Variants in KSR2 observed in about 807,000 individuals in gnomAD.
KSR2 encodes the protein kinase suppressor of ras 2.
In KSR2, 25 loss-of-function variants were observed where a neutral mutation model predicts 107.8. That is an observed-to-expected ratio of 0.23 (90% CI 0.17 to 0.32). KSR2 has a LOEUF of 0.32. Among genes scored for constraint, KSR2 ranks in the 10% least tolerant of loss-of-function variants. KSR2 has a pLI of 1.00. For missense variants in KSR2, 887 were observed against 1,268.9 expected (o/e 0.70, Z 4.57); for synonymous variants, 480 against 507.0 (o/e 0.95, Z 0.71).
rs763962133 is a variant in KSR2 at position 117,968,304 on chromosome 12, A to AG, written c.-50_-49insC. On this transcript the variant is annotated 5_prime_UTR_variant, in exon 1 of 20. Coordinates refer to ENST00000339824, the MANE Select transcript of KSR2 (RefSeq NM_173598.6). ...CCTCCTCCTCCTCCCAGAGAGAAAA[A>AG]AGAGGGGGGGGAGTAGAGGTAGTCT... 20 of 680,614 alleles carry AG rather than the reference A, an allele frequency of 2.9e-5. No individual in the cohort carries two copies. The African/African-American group carries it at 4.7e-4, about 16-fold the overall frequency. 42.2% of individuals were successfully genotyped at this position (680,614 alleles called of 1,614,324 possible).
rs765751335 is a variant in KSR2, at chr12:117,761,444, G to C, written c.553C>G (p.Pro185Ala). ...GTGCGGATCCACGGGGTGGGCTCCGGGGGGCACACGGGATTGTTCTCCTTC... is the reference window on the plus strand; with the variant it reads ...GTGCGGATCCACGGGGTGGGCTCCGCGGGGCACACGGGATTGTTCTCCTTC... ...TGKENNPVCP[P>A]EPTPWIRTHL... is the part of the protein sequence containing the mutation. Residue 185 changes from proline to alanine, a missense_variant, in exon 4 of 20, where the codon CCG (proline) becomes GCG (alanine). Pro to Ala is a conservative substitution (Grantham distance 27, BLOSUM62 -1). Around this residue, in one of 8 missense-constraint regions of KSR2, gnomAD observed 399 missense variants for 479.5 expected, o/e 0.83. Transcript: ENST00000339824. The C allele has an allele frequency of 3.7e-6, 6 of 1,612,798 alleles. No homozygotes were observed. The South Asian group carries it at 4.4e-5, about 12-fold the overall frequency.
chr12:117,697,271 G>T (rs967395204), intron 4 of KSR2, among the ~76,000 whole-genome samples: 8 of 152,214 alleles, frequency 5.3e-5, no homozygotes, highest in African/African-American at 1.9e-4. Flanking sequence ...TGTTAAAACA[G>T]TATAGGAAGG....
rs903668097 is a variant in KSR2 at position 117,897,784 on chromosome 12, A to C, written c.181-37353T>G. 2.0e-5 allele frequency among the ~76,000 whole-genome samples: 3 copies of C among 152,076 alleles called. No homozygotes were observed. Among genetic ancestry groups the C allele is most frequent in the African/African-American group, 7.2e-5 (3 of 41,414 alleles). ...GAAACCACCAAGCAGATGCCATACA[A>C]ATATAATGGGCTTAATTCCCCAAAT... On this transcript the variant is annotated intron_variant, in intron 1 of 19. Coordinates refer to ENST00000339824, the MANE Select transcript of KSR2 (RefSeq NM_173598.6). This position sits in a 1 kb window ranked among gnomAD's most constrained non-coding sequence, Gnocchi z 4.5.
At chr12:117,854,550 T>C (rs1034511842) in intron 3 of KSR2, among the ~76,000 whole-genome samples, 3 of 152,222 alleles carry the variant, frequency 2.0e-5, no homozygotes, top group African/African-American at 7.2e-5. Context: ...CAAGGGCATC[T>C]GTGAGCCTCC....
chr12:117,918,824 T>G (rs986342555), intron 1 of KSR2, among the ~76,000 whole-genome samples: 3 of 145,776 alleles, frequency 2.1e-5, no homozygotes, highest in Admixed American at 1.4e-4. Flanking sequence ...AAACTTTTTC[T>G]GCAGGCGGGG....
At chr12:117,589,206 T>C (rs935161722) in intron 5 of KSR2, among the ~76,000 whole-genome samples, 13 of 152,186 alleles carry the variant, frequency 8.5e-5, no homozygotes, top group South Asian at 2.1e-4. Flanking sequence ...AGAAATAGTT[T>C]ATTGCAGTCT....
chr12:117,745,871 C>T (rs1888388224), intron 4 of KSR2, among the ~76,000 whole-genome samples: 1 of 152,076 alleles, frequency 6.6e-6, no homozygotes, highest in African/African-American at 2.4e-5. Context: ...ATACAACTTA[C>T]AAGGGATGTG....
intron 5 of KSR2, among the ~76,000 whole-genome samples, chr12:117,633,614 G>A (rs1186211255): frequency 6.6e-6 from 1 of 152,128 alleles, no homozygotes; most frequent in African/African-American, 2.4e-5. Flanking sequence ...GCAATCCTTG[G>A]CTTGTGGCTG....
chr12:117,709,837 C>T (rs1298871565), intron 4 of KSR2, among the ~76,000 whole-genome samples: 1 of 152,214 alleles, frequency 6.6e-6, no homozygotes, highest in South Asian at 2.1e-4. Flanking sequence ...AGCACCCCCA[C>T]CCCAAGTGAC....
At chr12:117,524,706 A>G (rs1874990330) in intron 14 of KSR2, 146 bp downstream of exon 14, 4 of 1,051,056 alleles carry the variant, frequency 3.8e-6, no homozygotes, top group Admixed American at 6.2e-5. Flanking sequence ...GGAATCTTAA[A>G]TCTTAAACCA....
intron 3 of KSR2, among the ~76,000 whole-genome samples, chr12:117,767,122 G>A (rs1015856313): frequency 6.7e-6 from 1 of 149,098 alleles, no homozygotes; most frequent in Non-Finnish European, 1.5e-5. Flanking sequence ...TTTGAGAGAG[G>A]AAAAAATTAG....
intron 4 of KSR2, among the ~76,000 whole-genome samples, chr12:117,692,462 A>G (rs1885859950): frequency 2.0e-4 from 2 of 10,216 alleles, no homozygotes; most frequent in Non-Finnish European, 3.0e-4. Context: ...ATATATATAT[A>G]TATATATATA....
chr12:117,759,266 A>G (rs1888911107), intron 4 of KSR2, among the ~76,000 whole-genome samples: 1 of 152,156 alleles, frequency 6.6e-6, no homozygotes, highest in Non-Finnish European at 1.5e-5. Context: ...TGGGCCAGGT[A>G]CCTGTTTTTA....
chr12:117,932,161 C>T (rs1299605303), intron 1 of KSR2, among the ~76,000 whole-genome samples: 1 of 152,054 alleles, frequency 6.6e-6, no homozygotes, highest in Non-Finnish European at 1.5e-5. Flanking sequence ...ATGGTGGGCG[C>T]CTGTAATCTC....
intron 4 of KSR2, among the ~76,000 whole-genome samples, chr12:117,737,399 G>T (rs567920362): frequency 6.6e-6 from 1 of 152,246 alleles, no homozygotes; most frequent in East Asian, 1.9e-4. Context: ...GGTTAAGGTG[G>T]TACCTTCCAA....
At chr12:117,507,878 C>T (rs1482070796) in intron 14 of KSR2, among the ~76,000 whole-genome samples, 4 of 152,106 alleles carry the variant, frequency 2.6e-5, no homozygotes, top group Non-Finnish European at 2.9e-5. Context: ...GCTGAACTAC[C>T]TCAGGACCTG....
At position 117,503,618 on chromosome 12, in the gene KSR2, A is replaced by T. The variant is rs537243592; in HGVS notation, c.2220-17927T>A. ...CCCAACCTATAGCCAACTTTACATGAGTGAGAAATAAACGTTCTGAGTAGC... is the reference window on the plus strand; with the variant it reads ...CCCAACCTATAGCCAACTTTACATGTGTGAGAAATAAACGTTCTGAGTAGC... On this transcript the variant is annotated intron_variant, in intron 14 of 19. Transcript: ENST00000339824. Among the ~76,000 whole-genome samples, 5 of 152,324 alleles carry T rather than the reference A, an allele frequency of 3.3e-5. No individual in the cohort carries two copies. The South Asian group carries it at 6.2e-4, about 19-fold the overall frequency.
chr12:117,539,217 G>T (rs917683772), intron 10 of KSR2, among the ~76,000 whole-genome samples: 2 of 152,194 alleles, frequency 1.3e-5, no homozygotes, highest in African/African-American at 4.8e-5. Flanking sequence ...CAGGAGTCCA[G>T]ACTGCTCAGT....
intron 4 of KSR2, among the ~76,000 whole-genome samples, chr12:117,753,181 C>T (rs534782640): frequency 6.6e-5 from 10 of 152,298 alleles, no homozygotes; most frequent in Non-Finnish European, 1.3e-4. Flanking sequence ...TTTCTCAACC[C>T]GTTTTCTATT....
Sources: allele counts gnomAD v4.1 joint callset (sites outside exome capture counted in the v4.1 genomes callset), GRCh38; gene constraint gnomAD v4.1.1; regional missense constraint gnomAD v4.1.1; non-coding constraint Gnocchi (gnomAD v3.1); transcripts MANE v1.5; gene names NCBI Gene and HGNC (gene_info 2026-07-23, HGNC 2026-07-21).